LIMA1: variants seen among roughly 807,000 people sequenced by gnomAD.
LIMA1 encodes LIM domain and actin binding 1, also known as LIM domain and actin-binding protein 1.
Under a neutral mutation model 62.6 loss-of-function variants are expected in LIMA1, and 52 were observed. That is an observed-to-expected ratio of 0.83 (90% confidence interval 0.67 to 1.05). The LOEUF (loss-of-function observed/expected upper bound fraction) is 1.05. LIMA1 is among the 50% of genes least tolerant of loss of function. The probability of loss-of-function intolerance (pLI) is 0.00; values close to 1 mark genes in which losing one functional copy is unlikely to be tolerated. For synonymous variants in LIMA1, 302 were observed against 317.8 expected (o/e 0.95, Z 0.53); for missense variants, 780 against 902.2 (o/e 0.86, Z 1.74).
intron 9 of LIMA1, chr12:50,189,376 A>G (rs1306425897): frequency 6.6e-6 from 1 of 152,148 alleles, no homozygotes; most frequent in Non-Finnish European, 1.5e-5. Context: ...AATCATGCTC[A>G]CAGTCAGAGG....
intron 4 of LIMA1, among the ~76,000 whole-genome samples, chr12:50,208,724 C>T (rs765274990): frequency 1.3e-5 from 2 of 151,362 alleles, no homozygotes; most frequent in African/African-American, 2.4e-5. Flanking sequence ...AATTTGTCTC[C>T]TTGCTGGGTT....
At chr12:50,232,292 G>A (rs1941623509) in intron 2 of LIMA1, among the ~76,000 whole-genome samples, 1 of 150,878 alleles carries the variant, frequency 6.6e-6, no homozygotes, top group Non-Finnish European at 1.5e-5. Flanking sequence ...AAACTCCTGA[G>A]CTAAAGTGAT....
chr12:50,218,499 G>C (rs1407472272), intron 4 of LIMA1, among the ~76,000 whole-genome samples: 1 of 152,192 alleles, frequency 6.6e-6, no homozygotes, highest in Non-Finnish European at 1.5e-5. Context: ...GGGCTCCACA[G>C]TACTTAGCAC....
chr12:50,264,542 G>T (rs1280254621), intron 1 of LIMA1, among the ~76,000 whole-genome samples: 1 of 152,124 alleles, frequency 6.6e-6, no homozygotes, highest in Admixed American at 6.6e-5. Context: ...ATAGCAGCTG[G>T]TTCCAATTCC....
chr12:50,269,825 C>A (rs1218580533), intron 1 of LIMA1, among the ~76,000 whole-genome samples: 2 of 145,440 alleles, frequency 1.4e-5, no homozygotes, highest in East Asian at 4.0e-4. Flanking sequence ...GAGGCTAAGG[C>A]AAGAGAATCG....
intron 2 of LIMA1, among the ~76,000 whole-genome samples, chr12:50,239,504 G>A (rs753637965): frequency 7.2e-5 from 11 of 152,120 alleles, no homozygotes; most frequent in Non-Finnish European, 1.0e-4. Context: ...CACCAGGCAC[G>A]TTGGTGCACA....
intron 9 of LIMA1, among the ~76,000 whole-genome samples, chr12:50,190,520 A>T (rs995442796): frequency 6.9e-5 from 10 of 143,986 alleles, no homozygotes; most frequent in African/African-American, 2.6e-4. Flanking sequence ...GGCATGTGCC[A>T]CCATGCCCGG....
chr12:50,196,056 G>A (rs376393193), intron 7 of LIMA1, 169 bp from the exon 8 acceptor site: 1 of 588,182 alleles, frequency 1.7e-6, no homozygotes, highest in South Asian at 2.6e-5. Context: ...ACAAGAGGCA[G>A]CAAAATGTCT....
intron 1 of LIMA1, among the ~76,000 whole-genome samples, chr12:50,253,885 A>G (rs935470504): frequency 1.3e-5 from 2 of 151,592 alleles, no homozygotes; most frequent in African/African-American, 4.9e-5. Flanking sequence ...AAAATTAGCC[A>G]GGCATGGTGG....
intron 2 of LIMA1, among the ~76,000 whole-genome samples, chr12:50,236,583 G>A (rs1490025339): frequency 3.9e-5 from 6 of 152,088 alleles, no homozygotes; most frequent in Non-Finnish European, 8.8e-5. Flanking sequence ...ACAGGCGTGA[G>A]CCACCGCACC....
At chr12:50,204,821 G>T in intron 5 of LIMA1, 121 bp from the exon 6 acceptor site, 2 of 895,062 alleles carry the variant, frequency 2.2e-6, no homozygotes, top group South Asian at 1.7e-5. Context: ...CTGAGCTCAA[G>T]ATATCCTCCC....
chr12:50,279,372 ATTT>A (rs1942312029), intron 1 of LIMA1, among the ~76,000 whole-genome samples: 1 of 150,390 alleles, frequency 6.6e-6, no homozygotes, highest in Non-Finnish European at 1.5e-5. Flanking sequence ...AATATCTATA[ATTT>A]TTATTTTTAA....
chr12:50,269,922 T>TAAAAAA (rs1172694068), intron 1 of LIMA1, among the ~76,000 whole-genome samples: 1 of 94,728 alleles, frequency 1.1e-5, no homozygotes, highest in Non-Finnish European at 2.1e-5. Flanking sequence ...CTCCGTCAAA[T>TAAAAAA]AAAAAAAAAA....
chr12:50,185,819 AG>A lies in LIMA1; in HGVS notation c.1141-3783del, dbSNP rs148495812. 4.1e-3 allele frequency: 856 copies of A among 208,242 alleles called. 12 individuals carry two copies. The highest frequency in any genetic ancestry group is 0.018 in the African/African-American group (796 of 43,390). The allele number at this position is 208,242 out of a possible 1,614,324, so 12.9% of individuals were successfully genotyped here. On this transcript the variant is annotated intron_variant, in intron 9 of 10. Transcript: ENST00000341247. Reference sequence around the variant, plus strand: ...TCTTCCTCCTTAACATCAAGTTAATAGATTGCTAGCTCACATAATTGACTAA... The same window carrying A: ...TCTTCCTCCTTAACATCAAGTTAATAATTGCTAGCTCACATAATTGACTAA...
intron 2 of LIMA1, 49 bp from the exon 3 acceptor site, chr12:50,231,759 A>C (rs748826152): frequency 6.4e-7 from 1 of 1,554,940 alleles, no homozygotes; most frequent in Non-Finnish European, 8.9e-7. Context: ...TTATATTTTT[A>C]CTCTTTCAAT....
At chr12:50,188,639 G>A (rs1940685386) in intron 9 of LIMA1, 2 of 152,260 alleles carry the variant, frequency 1.3e-5, no homozygotes, top group Admixed American at 1.3e-4. Flanking sequence ...GCATGGGTCT[G>A]AGGCAGAGAC....
intron 6 of LIMA1, 191 bp from the exon 7 acceptor site, chr12:50,201,075 T>C (rs1352891499): frequency 2.9e-6 from 4 of 1,382,736 alleles, no homozygotes; most frequent in African/African-American, 1.5e-5. Context: ...TGTGGACACA[T>C]ACCTCAGAGT....
intron 2 of LIMA1, among the ~76,000 whole-genome samples, chr12:50,235,991 C>T (rs1349730913): frequency 6.6e-6 from 1 of 152,008 alleles, no homozygotes. Flanking sequence ...CTGGCAAAAC[C>T]CTGTCTCTAC....
At chr12:50,246,927 A>G (rs1941857942) in intron 2 of LIMA1, among the ~76,000 whole-genome samples, 2 of 152,072 alleles carry the variant, frequency 1.3e-5, no homozygotes, top group Admixed American at 6.6e-5. Flanking sequence ...TAAAAACATA[A>G]TTTCCTGGAC....
Sources: gnomAD v4.1 joint callset for allele counts (sites outside exome capture counted in the v4.1 genomes callset) on GRCh38, gnomAD v4.1.1 for gene constraint, MANE v1.5 for transcripts, NCBI Gene and HGNC (gene_info 2026-07-23, HGNC 2026-07-21) for gene names.